GPC6: variants seen among roughly 807,000 people sequenced by gnomAD.
GPC6 encodes glypican 6.
A neutral mutation model predicts 55.2 loss-of-function variants in GPC6; 14 were observed. The ratio of observed to expected loss-of-function variants is 0.25; its 90% confidence interval spans 0.17 to 0.40. GPC6 has a LOEUF of 0.40. Among genes scored for constraint, GPC6 ranks in the 10% least tolerant of loss-of-function variants. GPC6 has a pLI of 1.00. For missense variants in GPC6, 641 were observed against 708.5 expected (o/e 0.90, Z 1.08); for synonymous variants, 278 against 259.6 (o/e 1.07, Z -0.68).
intron 4 of GPC6, among the ~76,000 whole-genome samples, chr13:94,077,583 C>A (rs1884961596): frequency 6.6e-6 from 1 of 151,750 alleles, no homozygotes; most frequent in African/African-American, 2.4e-5. Flanking sequence ...TCTCATCTTT[C>A]AGTATGATGT....
At chr13:93,519,564 T>C (rs1881328948) in intron 1 of GPC6, among the ~76,000 whole-genome samples, 1 of 152,022 alleles carries the variant, frequency 6.6e-6, no homozygotes, top group Non-Finnish European at 1.5e-5. Flanking sequence ...TTGAGTAGAT[T>C]ATTTTTTTCT....
intron 6 of GPC6, among the ~76,000 whole-genome samples, chr13:94,318,387 T>C (rs1249060272): frequency 6.6e-6 from 1 of 152,180 alleles, no homozygotes; most frequent in African/African-American, 2.4e-5. Context: ...CATACATACC[T>C]ATGATAAAGT....
At chr13:94,011,990 A>AT (rs1163401705) in intron 3 of GPC6, among the ~76,000 whole-genome samples, 1 of 152,158 alleles carries the variant, frequency 6.6e-6, no homozygotes, top group Non-Finnish European at 1.5e-5. Flanking sequence ...GAAGAAGAAC[A>AT]TTTTTTTCTT....
At chr13:93,611,209 C>T (rs985344601) in intron 2 of GPC6, among the ~76,000 whole-genome samples, 5 of 152,034 alleles carry the variant, frequency 3.3e-5, no homozygotes, top group Non-Finnish European at 7.4e-5. Flanking sequence ...TCTGGCTTAA[C>T]TTTTGAAATT....
intron 3 of GPC6, among the ~76,000 whole-genome samples, chr13:94,020,160 A>C (rs377285694): frequency 1.3e-5 from 2 of 152,126 alleles, no homozygotes; most frequent in South Asian, 4.1e-4. Flanking sequence ...ATTTATGGCT[A>C]TAAGTTTTGG....
chr13:94,042,101 A>C (rs1319915304), intron 4 of GPC6, among the ~76,000 whole-genome samples: 1 of 151,706 alleles, frequency 6.6e-6, no homozygotes, highest in Non-Finnish European at 1.5e-5. Flanking sequence ...CATGATAGTG[A>C]GTGAATGAGT....
intron 4 of GPC6, among the ~76,000 whole-genome samples, chr13:94,112,951 T>C (rs1483786747): frequency 6.6e-6 from 1 of 152,028 alleles, no homozygotes; most frequent in African/African-American, 2.4e-5. Flanking sequence ...GTGATTGGAG[T>C]TGGGCCTGTT....
At chr13:93,393,339 C>CTTGTATTTTTAGTAGAG (rs1875720553) in intron 1 of GPC6, among the ~76,000 whole-genome samples, 1 of 151,752 alleles carries the variant, frequency 6.6e-6, no homozygotes, top group Non-Finnish European at 1.5e-5. Context: ...GGAATTTCAC[C>CTTGTATTTTTAGTAGAG]ATGTTGGCCA....
intron 4 of GPC6, among the ~76,000 whole-genome samples, chr13:94,154,715 T>C (rs896788034): frequency 2.0e-5 from 3 of 152,118 alleles, no homozygotes; most frequent in Non-Finnish European, 4.4e-5. Context: ...CCAGAAGCAA[T>C]GGTATTTAAG....
rs149380520 is a variant in GPC6, at chr13:94,058,815, C to T, written c.877+30921C>T. 2.6e-3 allele frequency among the ~76,000 whole-genome samples: 398 copies of T among 152,262 alleles called. 2 individuals are homozygous for T. The highest frequency in any genetic ancestry group is 9.4e-3 in the African/African-American group (392 of 41,558). On this transcript the variant is annotated intron_variant, in intron 4 of 8. Coordinates refer to ENST00000377047, the MANE Select transcript of GPC6 (RefSeq NM_005708.5). The stretch of plus-strand genomic sequence containing the variant: ...GGCAAGAGTTTGGTAGGTGAAGCCA[C>T]ACATCCAAATTCTGATAAGTTAGAA...
chr13:94,134,738 A>G (rs1251937112), intron 4 of GPC6, among the ~76,000 whole-genome samples: 1 of 152,134 alleles, frequency 6.6e-6, no homozygotes, highest in African/African-American at 2.4e-5. Flanking sequence ...TAGGGAATCT[A>G]TATGCAGAAT....
chr13:94,351,232 G>A (rs9524452), intron 6 of GPC6, among the ~76,000 whole-genome samples: 36,526 of 151,966 alleles, frequency 0.24, 5,067 homozygotes, highest in Middle Eastern at 0.38. Context: ...GAGGAAAAGT[G>A]TATATCGGTG....
chr13:93,248,784 G>A (rs1306088362), intron 1 of GPC6, among the ~76,000 whole-genome samples: 1 of 152,172 alleles, frequency 6.6e-6, no homozygotes, highest in Admixed American at 6.5e-5. Flanking sequence ...ATTTCAGCCT[G>A]GTTACTGTGG....
intron 6 of GPC6, among the ~76,000 whole-genome samples, chr13:94,323,135 A>T (rs1876927421): frequency 6.6e-6 from 1 of 152,090 alleles, no homozygotes; most frequent in Non-Finnish European, 1.5e-5. Context: ...TGGCTCCCTT[A>T]ACTTCCTCTT....
intron 3 of GPC6, among the ~76,000 whole-genome samples, chr13:93,937,681 C>T (rs1189104956): frequency 6.6e-6 from 1 of 152,114 alleles, no homozygotes; most frequent in Non-Finnish European, 1.5e-5. Flanking sequence ...CGGATTCAAG[C>T]GATTCTCCTG....
At chr13:94,260,328 G>A (rs1052617887) in intron 4 of GPC6, among the ~76,000 whole-genome samples, 1 of 152,130 alleles carries the variant, frequency 6.6e-6, no homozygotes, top group Admixed American at 6.5e-5. Flanking sequence ...CAGTTTGCTA[G>A]GGCTGCCATA....
intron 4 of GPC6, among the ~76,000 whole-genome samples, chr13:94,108,447 C>G (rs958525705): frequency 6.6e-6 from 1 of 152,004 alleles, no homozygotes; most frequent in Non-Finnish European, 1.5e-5. Context: ...GCTTAGGTGA[C>G]GGGTGCACCG....
At chr13:93,616,088 C>G (rs1490864299) in intron 2 of GPC6, among the ~76,000 whole-genome samples, 1 of 152,010 alleles carries the variant, frequency 6.6e-6, no homozygotes, top group African/African-American at 2.4e-5. Flanking sequence ...TTTACCTAAA[C>G]AATTTGTCTC....
chr13:93,342,356 T>C (rs1880287900), intron 1 of GPC6, among the ~76,000 whole-genome samples: 3 of 152,128 alleles, frequency 2.0e-5, no homozygotes, highest in Admixed American at 6.6e-5. Flanking sequence ...TGGGGAGGCC[T>C]CACAATCATG....
Sources: gnomAD v4.1 joint callset for allele counts (sites outside exome capture counted in the v4.1 genomes callset) on GRCh38, gnomAD v4.1.1 for gene constraint, MANE v1.5 for transcripts, NCBI Gene and HGNC (gene_info 2026-07-23, HGNC 2026-07-21) for gene names.